Variants in RALYL observed in about 807,000 individuals in gnomAD.
RALYL encodes RNA-binding Raly-like protein.
Under a neutral mutation model 35.1 loss-of-function variants are expected in RALYL, and 29 were observed. That is an observed-to-expected ratio of 0.83 (90% CI 0.61 to 1.13). The LOEUF is 1.13. RALYL is among the 50% of genes most tolerant of loss of function. The pLI is 0.00. For synonymous variants in RALYL, 120 were observed against 127.6 expected (o/e 0.94, Z 0.40); for missense variants, 359 against 360.4 (o/e 1.00, Z 0.03).
intron 2 of RALYL, among the ~76,000 whole-genome samples, chr8:84,750,636 AT>A (rs1809754697): frequency 6.6e-6 from 1 of 152,184 alleles, no homozygotes; most frequent in Admixed American, 6.5e-5. Context: ...GAATGGACTA[AT>A]TTATTCGTAG....
At position 84,912,263 on chromosome 8, in the gene RALYL, C is replaced by A. The variant is rs548119095; in HGVS notation, c.859-8631C>A. 6.6e-5 allele frequency among the ~76,000 whole-genome samples: 10 copies of A among 152,062 alleles called. No homozygotes were observed. In the East Asian group the frequency reaches 9.7e-4, roughly 15 times the overall value. ...GAACTCCAGAAGCTCTGTACAAAAACCAAATATTATAATGAAAGATGCTCC... is the reference window on the plus strand; with the variant it reads ...GAACTCCAGAAGCTCTGTACAAAAAACAAATATTATAATGAAAGATGCTCC... On this transcript the variant is annotated intron_variant, in intron 8 of 8. Coordinates refer to ENST00000521268, the MANE Select transcript of RALYL (RefSeq NM_173848.7).
chr8:84,730,106 C>G (rs1471245471), intron 2 of RALYL, among the ~76,000 whole-genome samples: 1 of 152,134 alleles, frequency 6.6e-6, no homozygotes, highest in East Asian at 1.9e-4. Flanking sequence ...GACCAATATC[C>G]TTGATGAACA....
chr8:84,208,849 T>C (rs1388096964), intron 1 of RALYL, among the ~76,000 whole-genome samples: 3 of 151,898 alleles, frequency 2.0e-5, no homozygotes, highest in Non-Finnish European at 4.4e-5. Flanking sequence ...AACTTTCCTT[T>C]TGTGATATAA....
chr8:84,218,599 A>G (rs1821408048), intron 1 of RALYL, among the ~76,000 whole-genome samples: 2 of 152,022 alleles, frequency 1.3e-5, no homozygotes, highest in Non-Finnish European at 1.5e-5. Context: ...CATTCTGTAC[A>G]GGTCAGAACT....
Position 84,729,571 on chromosome 8 carries a change from T to A in RALYL, c.257-45008T>A, listed in dbSNP as rs572546975. On this transcript the variant is annotated intron_variant, in intron 2 of 8. Coordinates refer to ENST00000521268, the MANE Select transcript of RALYL (RefSeq NM_173848.7). ...AAGGAAATAGAGACACAAAAAACCC[T>A]TCAAAAAATTAATGAATCCAGAAGC... Among the ~76,000 whole-genome samples the A allele has an allele frequency of 2.4e-4, 36 of 152,148 alleles. 2 individuals carry two copies. The South Asian group carries it at 5.2e-3, about 22-fold the overall frequency.
At chr8:84,214,825 A>C (rs565516635) in intron 1 of RALYL, among the ~76,000 whole-genome samples, 243 of 152,232 alleles carry the variant, frequency 1.6e-3, no homozygotes, top group African/African-American at 5.7e-3. Flanking sequence ...ATTGCGTTTA[A>C]TAAATATTTT....
Position 84,306,756 on chromosome 8 carries a change from TAA to T in RALYL, c.-24+122336_-24+122337del, listed in dbSNP as rs1841890937. On this transcript the variant is annotated intron_variant, in intron 1 of 8. Transcript: ENST00000521268. ...AAGGGATTTGAACAAAGATGAGGATTAAAAACTTCCCATAACTCTGGGTAATT... is the reference window on the plus strand; with the variant it reads ...AAGGGATTTGAACAAAGATGAGGATTAAACTTCCCATAACTCTGGGTAATT... Among the ~76,000 whole-genome samples, 3 of 152,188 alleles carry T rather than the reference TAA, an allele frequency of 2.0e-5. No individual in the cohort carries two copies. The South Asian group carries it at 6.2e-4, about 31-fold the overall frequency.
intron 2 of RALYL, among the ~76,000 whole-genome samples, chr8:84,554,605 G>A (rs71522972): frequency 0.027 from 4,177 of 152,166 alleles, 83 homozygotes; most frequent in Non-Finnish European, 0.043. Flanking sequence ...AGAGCACTCC[G>A]TTTCTCCAGC....
intron 1 of RALYL, among the ~76,000 whole-genome samples, chr8:84,191,045 C>A (rs1813725934): frequency 6.6e-6 from 1 of 151,524 alleles, no homozygotes; most frequent in Non-Finnish European, 1.5e-5. Context: ...GAGATAAAAG[C>A]TTTGTAATCT....
At chr8:84,537,159 T>TAA (rs11284312) in intron 2 of RALYL, among the ~76,000 whole-genome samples, 7 of 139,104 alleles carry the variant, frequency 5.0e-5, no homozygotes, top group Admixed American at 7.2e-5. Context: ...ATATATATAT[T>TAA]AAAAAAAAAA....
intron 1 of RALYL, among the ~76,000 whole-genome samples, chr8:84,479,073 A>G (rs1337848166): frequency 8.2e-6 from 1 of 122,026 alleles, no homozygotes; most frequent in Non-Finnish European, 1.7e-5. Flanking sequence ...GTGACAGAGC[A>G]AGACTCCGTC....
chr8:84,275,483 AT>A (rs1835187131), intron 1 of RALYL, among the ~76,000 whole-genome samples: 1 of 151,504 alleles, frequency 6.6e-6, no homozygotes, highest in Non-Finnish European at 1.5e-5. Flanking sequence ...AAATATATAT[AT>A]ATATATATAT....
intron 2 of RALYL, among the ~76,000 whole-genome samples, chr8:84,763,040 C>CTTCT (rs1813066038): frequency 6.6e-6 from 1 of 152,128 alleles, no homozygotes; most frequent in Non-Finnish European, 1.5e-5. Context: ...GGGTTGTATA[C>CTTCT]TTCTCTCCAC....
intron 1 of RALYL, chr8:84,184,864 G>C: frequency 9.5e-7 from 1 of 1,052,900 alleles, no homozygotes; most frequent in African/African-American, 1.6e-5. Context: ...CCGGGAGATG[G>C]GGGTAGAAGC....
At chr8:84,841,530 C>A (rs1220625402) in intron 4 of RALYL, among the ~76,000 whole-genome samples, 1 of 152,168 alleles carries the variant, frequency 6.6e-6, no homozygotes, top group Non-Finnish European at 1.5e-5. Flanking sequence ...GAGACTTTAA[C>A]ACACCACTGT....
At chr8:84,912,094 T>C (rs1795475990) in intron 8 of RALYL, among the ~76,000 whole-genome samples, 1 of 152,080 alleles carries the variant, frequency 6.6e-6, no homozygotes, top group South Asian at 2.1e-4. Context: ...AACCCTCTAG[T>C]CATTCAGTCT....
At chr8:84,407,874 A>C (rs2043703276) in intron 1 of RALYL, among the ~76,000 whole-genome samples, 1 of 151,986 alleles carries the variant, frequency 6.6e-6, no homozygotes, top group South Asian at 2.1e-4. Flanking sequence ...ATTAAGGAAC[A>C]CTCTAATTAT....
chr8:84,617,317 A>T (rs1214552423), intron 2 of RALYL, among the ~76,000 whole-genome samples: 2 of 151,368 alleles, frequency 1.3e-5, no homozygotes, highest in Non-Finnish European at 2.9e-5. Context: ...CATCCCTTGT[A>T]AGTTGGATTC....
chr8:84,219,522 G>A (rs554444163), intron 1 of RALYL, among the ~76,000 whole-genome samples: 4 of 152,006 alleles, frequency 2.6e-5, no homozygotes, highest in South Asian at 2.1e-4. Flanking sequence ...TTTTGTGTGC[G>A]TGTGTAATGA....
Sources: allele counts gnomAD v4.1 joint callset (sites outside exome capture counted in the v4.1 genomes callset), GRCh38; gene constraint gnomAD v4.1.1; transcripts MANE v1.5; gene names NCBI Gene and HGNC (gene_info 2026-07-23, HGNC 2026-07-21).